AACS: variants seen among roughly 807,000 people sequenced by gnomAD.
AACS encodes the protein acetoacetate-CoA ligase.
In AACS, 69 loss-of-function variants were observed where a neutral mutation model predicts 83.1. The observed-to-expected ratio is 0.83, with a 90% CI of 0.68 to 1.01. The LOEUF is 1.01. AACS is among the 50% of genes least tolerant of loss of function. The pLI, the probability that AACS is intolerant of heterozygous loss-of-function variation, is 0.00. For missense variants in AACS, 866 were observed against 882.2 expected (o/e 0.98, Z 0.23); for synonymous variants, 333 against 343.4 (o/e 0.97, Z 0.33).
In AACS at chr12:125,072,496, G is replaced by A. The variant is rs1354480446; in HGVS notation, c.134-1380G>A. Among the ~76,000 whole-genome samples, 5 of 152,174 alleles carry A rather than the reference G, an allele frequency of 3.3e-5. 1 individual carries two copies. Among genetic ancestry groups the A allele is most frequent in the Admixed American group, 6.5e-5 (1 of 15,270 alleles). On this transcript the variant is annotated intron_variant, in intron 1 of 17. Coordinates refer to ENST00000316519, the MANE Select transcript of AACS (RefSeq NM_023928.5). ...GTATTATACCTTTTCCCCCATTCCT[G>A]ATACCCCATTGGCCATCTTCCTGTT...
chr12:125,088,573 G>C (rs1419957953), intron 4 of AACS, among the ~76,000 whole-genome samples: 2 of 152,164 alleles, frequency 1.3e-5, no homozygotes, highest in Non-Finnish European at 2.9e-5. Flanking sequence ...CACTTTTTGG[G>C]TTCTTGGTCG....
chr12:125,073,797 G>A, intron 1 of AACS, 79 bp from the exon 2 acceptor site: 1 of 1,171,888 alleles, frequency 8.5e-7, no homozygotes, highest in Non-Finnish European at 1.2e-6. Flanking sequence ...CATGCTCAAG[G>A]CTTCTGAGGT....
intron 7 of AACS, 83 bp downstream of exon 7, chr12:125,103,164 T>G: frequency 8.5e-7 from 1 of 1,175,178 alleles, no homozygotes; most frequent in Non-Finnish European, 1.2e-6. Context: ...ATCTTCTACT[T>G]GGGGTCACTC....
At chr12:125,076,354 A>G in intron 2 of AACS, 137 bp from the exon 3 acceptor site, 2 of 1,198,324 alleles carry the variant, frequency 1.7e-6, no homozygotes, top group Non-Finnish European at 2.3e-6. Context: ...TGATTTAAAA[A>G]TGCTCTGGGC....
chr12:125,135,221 A>G lies in AACS; in HGVS notation c.1678+369A>G, dbSNP rs192099221. ...GGCTCACTGCAACCTCTGCCTCCTC[A>G]GTAGCTGGGATGATAGACATGCACC... On this transcript the variant is annotated intron_variant, in intron 16 of 17. Coordinates refer to ENST00000316519, the MANE Select transcript of AACS (RefSeq NM_023928.5). 2.7e-5 allele frequency among the ~76,000 whole-genome samples: 4 copies of G among 150,358 alleles called. 1 individual carries two copies. Among genetic ancestry groups the G allele is most frequent in the African/African-American group, 9.8e-5 (4 of 40,804 alleles).
intron 10 of AACS, chr12:125,122,127 C>T (rs1247115489): frequency 6.6e-6 from 1 of 152,300 alleles, no homozygotes; most frequent in Admixed American, 6.6e-5. Flanking sequence ...CAGAGGGAAC[C>T]ACGAGGAGAT....
At chr12:125,078,178 C>T (rs956762032) in intron 3 of AACS, 4 of 456,162 alleles carry the variant, frequency 8.8e-6, no homozygotes, top group Admixed American at 4.7e-5. Flanking sequence ...CTTCTGCCAT[C>T]GTGGGAAGGA....
At chr12:125,137,494 TTAAAG>T (rs1957417407) in intron 17 of AACS, among the ~76,000 whole-genome samples, 2 of 152,254 alleles carry the variant, frequency 1.3e-5, no homozygotes, top group Non-Finnish European at 2.9e-5. Context: ...TTTTAACTTT[TTAAAG>T]TGCTGCTGGG....
chr12:125,106,943 T>G (rs1956845650), intron 7 of AACS, among the ~76,000 whole-genome samples, 178 bp from the exon 8 acceptor site: 1 of 152,168 alleles, frequency 6.6e-6, no homozygotes, highest in Non-Finnish European at 1.5e-5. Context: ...TTAGCTTGAA[T>G]CTCTGAGATC....
chr12:125,088,768 G>C (rs997037382), intron 4 of AACS, among the ~76,000 whole-genome samples: 1 of 152,210 alleles, frequency 6.6e-6, no homozygotes. Flanking sequence ...TGCTTTCTTT[G>C]AGGAGACGCC....
chr12:125,069,521 C>T (rs1367745577), intron 1 of AACS, among the ~76,000 whole-genome samples: 1 of 152,222 alleles, frequency 6.6e-6, no homozygotes, highest in Admixed American at 6.5e-5. Flanking sequence ...TGCACATCCA[C>T]GTGGGGCTCT....
rs368324862 is a variant in AACS, at chr12:125,136,931, G to A, written c.1881+67G>A. On this transcript the variant is annotated intron_variant, in intron 17 of 17. Coordinates refer to ENST00000316519, the MANE Select transcript of AACS (RefSeq NM_023928.5). ...CCCACGAGCCCACACATTGAGGGGC[G>A]CTTACATCTGAGCAGCTTGCCGGTG... 158 of 1,524,570 alleles carry A rather than the reference G, an allele frequency of 1.0e-4. No individual in the cohort carries two copies. The African/African-American group carries it at 1.7e-3, about 16-fold the overall frequency. 94.4% of individuals were successfully genotyped at this position (1,524,570 alleles called of 1,614,324 possible). A position where few individuals can be genotyped will look rare whatever the true frequency, so the allele number is the denominator to read the frequency against.
intron 3 of AACS, among the ~76,000 whole-genome samples, chr12:125,081,919 A>G (rs1956197746): frequency 2.0e-5 from 3 of 150,690 alleles, no homozygotes; most frequent in South Asian, 2.1e-4. Context: ...CTTGTTGCCC[A>G]GGCTGGAGTG....
intron 4 of AACS, among the ~76,000 whole-genome samples, chr12:125,089,979 A>G (rs899548160): frequency 4.0e-5 from 6 of 149,028 alleles, no homozygotes; most frequent in Admixed American, 2.7e-4. Context: ...TCCATTCATC[A>G]TCCCTCATAG....
In AACS at chr12:125,130,757, T is replaced by C. The variant is rs1957318943; in HGVS notation, c.1549+1297T>C. On this transcript the variant is annotated intron_variant, in intron 14 of 17. Transcript: ENST00000316519. The surrounding 1 kb of genome is among the most constrained non-coding windows in gnomAD (Gnocchi z 4.9). ...GAAACTCAGAGCTGAAATAATTGCT[T>C]TGTTTTTGTAGTCCTCTTACCTTTA... 6.6e-6 allele frequency among the ~76,000 whole-genome samples: 1 copy of C among 152,214 alleles called. No homozygotes were observed. Among genetic ancestry groups the C allele is most frequent in the South Asian group, 2.1e-4 (1 of 4,832 alleles).
chr12:125,098,352 C>G (rs1020992705), intron 5 of AACS, among the ~76,000 whole-genome samples: 1 of 151,416 alleles, frequency 6.6e-6, no homozygotes, highest in African/African-American at 2.4e-5. Flanking sequence ...TGTGATCTGT[C>G]TACTGTACTC....
intron 10 of AACS, chr12:125,123,342 C>T (rs1957187215): frequency 6.6e-6 from 1 of 152,198 alleles, no homozygotes; most frequent in African/African-American, 2.4e-5. Flanking sequence ...CACCTTAGTC[C>T]TTGGCTATGA....
chr12:125,066,601 C>T (rs1277399012), intron 1 of AACS, among the ~76,000 whole-genome samples: 1 of 151,972 alleles, frequency 6.6e-6, no homozygotes, highest in African/African-American at 2.4e-5. Context: ...AGGCATACAC[C>T]ACCACGCCTG....
At chr12:125,080,049 C>G (rs1185996884) in intron 3 of AACS, among the ~76,000 whole-genome samples, 1 of 152,172 alleles carries the variant, frequency 6.6e-6, no homozygotes, top group Non-Finnish European at 1.5e-5. Flanking sequence ...CCTTTTATGT[C>G]CTAGTAATCT....
Sources: gnomAD v4.1 joint callset for allele counts (sites outside exome capture counted in the v4.1 genomes callset) on GRCh38, gnomAD v4.1.1 for gene constraint, Gnocchi (gnomAD v3.1) non-coding constraint, MANE v1.5 for transcripts, NCBI Gene and HGNC (gene_info 2026-07-23, HGNC 2026-07-21) for gene names.